The following MDGA2 variants were observed in gnomAD, a reference collection of about 807,000 sequenced individuals.
MDGA2 encodes MAM domain-containing glycosylphosphatidylinositol anchor protein 2.
A neutral mutation model predicts 117.8 loss-of-function variants in MDGA2; 40 were observed. The ratio of observed to expected loss-of-function variants is 0.34; its 90% confidence interval spans 0.26 to 0.44. The LOEUF (loss-of-function observed/expected upper bound fraction) is 0.44. Among genes scored for constraint, MDGA2 ranks in the 20% least tolerant of loss-of-function variants. MDGA2 has a pLI of 1.00. For synonymous variants in MDGA2, 452 were observed against 439.0 expected, an observed-to-expected ratio of 1.03 and a Z score of -0.37; for missense variants, 1,123 against 1,250.6, an observed-to-expected ratio of 0.90 and a Z score of 1.54.
chr14:47,155,014 C>T (rs1222982446), intron 3 of MDGA2, among the ~76,000 whole-genome samples: 4 of 152,142 alleles, frequency 2.6e-5, no homozygotes, highest in Admixed American at 2.0e-4. Flanking sequence ...CCAGACTCAG[C>T]CAGACTGGGA....
intron 1 of MDGA2, among the ~76,000 whole-genome samples, chr14:47,655,854 C>T (rs1221077937): frequency 2.6e-5 from 4 of 152,066 alleles, no homozygotes; most frequent in Non-Finnish European, 5.9e-5. Flanking sequence ...GGTATAGGTT[C>T]AACTGAAGAA....
chr14:46,930,069 A>C (rs530236254), intron 9 of MDGA2, among the ~76,000 whole-genome samples: 1 of 152,086 alleles, frequency 6.6e-6, no homozygotes, highest in Non-Finnish European at 1.5e-5. Flanking sequence ...GTATTAATTT[A>C]CAACTGAAAA....
At chr14:47,406,157 T>C (rs1892256278) in intron 1 of MDGA2, among the ~76,000 whole-genome samples, 1 of 152,116 alleles carries the variant, frequency 6.6e-6, no homozygotes, top group African/African-American at 2.4e-5. Flanking sequence ...ACACTGCTGG[T>C]AGACGTGCAA....
At chr14:47,113,249 C>T (rs1212746539) in intron 5 of MDGA2, among the ~76,000 whole-genome samples, 1 of 151,976 alleles carries the variant, frequency 6.6e-6, no homozygotes, top group African/African-American at 2.4e-5. Context: ...CATGCACCCT[C>T]CCAAGTTGAA....
At chr14:46,990,469 C>T (rs1887045087) in intron 8 of MDGA2, among the ~76,000 whole-genome samples, 1 of 151,696 alleles carries the variant, frequency 6.6e-6, no homozygotes, top group Non-Finnish European at 1.5e-5. Flanking sequence ...TATTCTTTAA[C>T]AAGAAAAAAA....
In MDGA2 at chr14:47,418,568, G is replaced by A. The variant is rs541295949; in HGVS notation, c.281-117018C>T. Among the ~76,000 whole-genome samples, 56 of 152,122 alleles carry A rather than the reference G, an allele frequency of 3.7e-4. 1 individual carries two copies. The highest frequency in any genetic ancestry group is 1.2e-3 in the African/African-American group (48 of 41,506). Reference sequence around the variant, plus strand: ...TATGAAGGTCCTAATTCCATTTATCGGGGATCCAACCTCATGACCAAATCA... The same window carrying A: ...TATGAAGGTCCTAATTCCATTTATCAGGGATCCAACCTCATGACCAAATCA... On this transcript the variant is annotated intron_variant, in intron 1 of 16. Coordinates refer to ENST00000399232, the MANE Select transcript of MDGA2 (RefSeq NM_001113498.3).
intron 9 of MDGA2, among the ~76,000 whole-genome samples, chr14:46,935,176 G>A (rs1884733525): frequency 6.6e-6 from 1 of 152,108 alleles, no homozygotes; most frequent in Admixed American, 6.6e-5. Flanking sequence ...GTTATTTAAT[G>A]AGATGGAAGC....
chr14:47,074,360 C>T (rs1274859075), intron 6 of MDGA2, among the ~76,000 whole-genome samples: 2 of 150,868 alleles, frequency 1.3e-5, no homozygotes, highest in Non-Finnish European at 2.9e-5. Flanking sequence ...GAGTGCAGTG[C>T]GGTGGCGCGA....
chr14:47,086,744 G>A (rs1234561695), intron 6 of MDGA2, among the ~76,000 whole-genome samples: 2 of 152,068 alleles, frequency 1.3e-5, no homozygotes, highest in Non-Finnish European at 2.9e-5. Context: ...TTCTGAATAT[G>A]TAGATACTCT....
chr14:47,631,566 T>A (rs1450732447), intron 1 of MDGA2, among the ~76,000 whole-genome samples: 3 of 152,222 alleles, frequency 2.0e-5, no homozygotes, highest in Non-Finnish European at 2.9e-5. Flanking sequence ...CACTCATACA[T>A]TACCCTGTTA....
chr14:47,618,923 A>T (rs192881684), intron 1 of MDGA2, among the ~76,000 whole-genome samples: 97 of 152,274 alleles, frequency 6.4e-4, no homozygotes, highest in Admixed American at 1.9e-3. Flanking sequence ...ACTGGAGGGA[A>T]TAAAAAAGCC....
intron 1 of MDGA2, among the ~76,000 whole-genome samples, chr14:47,523,898 A>T (rs150388042): frequency 6.1e-4 from 93 of 152,336 alleles, no homozygotes; most frequent in African/African-American, 2.1e-3. Context: ...TCAAATGGGA[A>T]CACAGCGTCA....
chr14:47,608,076 C>T (rs1896773607), intron 1 of MDGA2, among the ~76,000 whole-genome samples: 1 of 151,978 alleles, frequency 6.6e-6, no homozygotes, highest in African/African-American at 2.4e-5. Context: ...CACAATGTCA[C>T]TGGTAATGGT....
chr14:47,466,320 A>G (rs1893603239), intron 1 of MDGA2, among the ~76,000 whole-genome samples: 1 of 152,082 alleles, frequency 6.6e-6, no homozygotes, highest in Non-Finnish European at 1.5e-5. Context: ...CACGGAATAT[A>G]AAAGTAAAAA....
At chr14:47,091,055 A>G (rs574848125) in intron 6 of MDGA2, among the ~76,000 whole-genome samples, 1 of 152,326 alleles carries the variant, frequency 6.6e-6, no homozygotes, top group South Asian at 2.1e-4. Context: ...TTACATAGCA[A>G]TGAATAATCA....
At chr14:46,862,744 T>C (rs544248854) in intron 14 of MDGA2, among the ~76,000 whole-genome samples, 2 of 152,172 alleles carry the variant, frequency 1.3e-5, no homozygotes, top group East Asian at 1.9e-4. Flanking sequence ...GCCAAAATCA[T>C]CCAGCTCTAG....
At chr14:47,541,260 G>C (rs1464948038) in intron 1 of MDGA2, among the ~76,000 whole-genome samples, 1 of 152,192 alleles carries the variant, frequency 6.6e-6, no homozygotes, top group Non-Finnish European at 1.5e-5. Flanking sequence ...TGAGCACTTT[G>C]GGGTATAATC....
chr14:46,938,584 G>GA (rs897441260), intron 9 of MDGA2, among the ~76,000 whole-genome samples: 9 of 111,602 alleles, frequency 8.1e-5, no homozygotes, highest in African/African-American at 2.7e-4. Flanking sequence ...ACCCCAATTA[G>GA]AACAGCTATT....
intron 1 of MDGA2, among the ~76,000 whole-genome samples, chr14:47,341,070 G>A (rs780927544): frequency 6.6e-6 from 1 of 152,108 alleles, no homozygotes; most frequent in African/African-American, 2.4e-5. Flanking sequence ...ACAGCAGCTT[G>A]TTGTTGCTTT....
Sources: gnomAD v4.1 joint callset for allele counts (sites outside exome capture counted in the v4.1 genomes callset) on GRCh38, gnomAD v4.1.1 for gene constraint, MANE v1.5 for transcripts, NCBI Gene and HGNC (gene_info 2026-07-23, HGNC 2026-07-21) for gene names.